PAN3: variants seen among roughly 807,000 people sequenced by gnomAD.
The protein encoded by PAN3 is PAN2-PAN3 deadenylation complex subunit PAN3.
A neutral mutation model predicts 96.2 loss-of-function variants in PAN3; 19 were observed. That is an observed-to-expected ratio of 0.20 (90% confidence interval 0.14 to 0.29). The LOEUF is 0.29. Ranked by LOEUF, PAN3 falls within the 10% of genes least tolerant of loss-of-function variation. The pLI, the probability that PAN3 is intolerant of heterozygous loss-of-function variation, is 1.00. For missense variants in PAN3, 882 were observed against 1,108.1 expected, an observed-to-expected ratio of 0.80 and a Z score of 2.90; for synonymous variants, 433 against 406.6, an observed-to-expected ratio of 1.06 and a Z score of -0.78.
intron 13 of PAN3, 23 bp from the exon 14 acceptor site, chr13:28,271,958 T>C: frequency 1.4e-6 from 2 of 1,452,436 alleles, no homozygotes; most frequent in Non-Finnish European, 1.9e-6. Context: ...AATTATTTTC[T>C]TTAAATTATC....
At position 28,143,377 on chromosome 13, in the gene PAN3, C is replaced by T. The variant is rs141001271; in HGVS notation, c.430+4290C>T. The stretch of plus-strand genomic sequence containing the variant: ...ATGTAATTCTAATATTTTCAACTGG[C>T]TAGATTTTCAAAATGGCTTTAATCT... On this transcript the variant is annotated intron_variant, in intron 1 of 18. Coordinates refer to ENST00000380958, the MANE Select transcript of PAN3 (RefSeq NM_175854.8). 5.6e-4 allele frequency among the ~76,000 whole-genome samples: 86 copies of T among 152,248 alleles called. 1 individual carries two copies. The highest frequency in any genetic ancestry group is 2.0e-3 in the African/African-American group (84 of 41,540).
chr13:28,269,163 G>A (rs1886411086), intron 12 of PAN3, among the ~76,000 whole-genome samples: 1 of 152,126 alleles, frequency 6.6e-6, no homozygotes, highest in Non-Finnish European at 1.5e-5. Context: ...AATGCCAGTA[G>A]CAATCCCCCT....
intron 1 of PAN3, among the ~76,000 whole-genome samples, chr13:28,158,900 C>A (rs961112670): frequency 1.3e-5 from 2 of 150,222 alleles, no homozygotes; most frequent in African/African-American, 4.9e-5. Flanking sequence ...AAAAGCTCAA[C>A]GTCACTAATC....
intron 6 of PAN3, among the ~76,000 whole-genome samples, chr13:28,255,771 A>G (rs907095434): frequency 5.9e-5 from 9 of 152,090 alleles, no homozygotes; most frequent in Admixed American, 5.9e-4. Context: ...TTTTCAAACA[A>G]TTTTGTTAAT....
At chr13:28,246,308 T>G (rs1884180829) in intron 6 of PAN3, among the ~76,000 whole-genome samples, 2 of 152,314 alleles carry the variant, frequency 1.3e-5, no homozygotes, top group Non-Finnish European at 2.9e-5. Flanking sequence ...GACCTGTTTT[T>G]TTTAAATTGA....
intron 6 of PAN3, among the ~76,000 whole-genome samples, chr13:28,247,500 A>G (rs993042292): frequency 6.6e-6 from 1 of 152,122 alleles, no homozygotes; most frequent in Non-Finnish European, 1.5e-5. Flanking sequence ...TACGCAAAAT[A>G]TCTTTGCCCA....
Position 28,177,895 on chromosome 13 carries a change from T to C in PAN3, c.650T>C (p.Phe217Ser), listed in dbSNP as rs746644096. Residue 217 changes from phenylalanine to serine, a missense_variant, in exon 4 of 19, where the codon TTT (phenylalanine) becomes TCT (serine). By Grantham distance (155) the Phe-to-Ser change is radical. Transcript: ENST00000380958. ...CTAACATCACCTGCTTCATCCTTGTTTAATGACTTTGGTGCCCTCAACATC... is the reference window on the plus strand; with the variant it reads ...CTAACATCACCTGCTTCATCCTTGTCTAATGACTTTGGTGCCCTCAACATC... ...DPLTSPASSL[F>S]NDFGALNISQ... 1.2e-6 allele frequency: 2 copies of C among 1,613,298 alleles called. No individual in the cohort carries two copies. The highest frequency in any genetic ancestry group is 4.5e-5 in the East Asian group (2 of 44,798).
At chr13:28,220,157 G>T (rs1403442596) in intron 5 of PAN3, 74 bp from the exon 6 acceptor site, 29 of 1,400,938 alleles carry the variant, frequency 2.1e-5, no homozygotes, top group Non-Finnish European at 2.6e-5. Context: ...AAGCACTGTG[G>T]AATATGCCTA....
intron 6 of PAN3, among the ~76,000 whole-genome samples, chr13:28,224,118 G>A (rs1186877700): frequency 4.6e-5 from 7 of 151,912 alleles, no homozygotes; most frequent in South Asian, 4.1e-4. Context: ...TGGTCTGCCC[G>A]CCTCGGCCTC....
chr13:28,235,696 TACACACACACACAC>T (rs34812975), intron 6 of PAN3, among the ~76,000 whole-genome samples: 2 of 140,628 alleles, frequency 1.4e-5, no homozygotes, highest in Admixed American at 7.1e-5. Flanking sequence ...CACACACACA[TACACACACACACAC>T]ACACACACAC....
At chr13:28,153,428 G>T (rs1296395380) in intron 1 of PAN3, among the ~76,000 whole-genome samples, 2 of 151,712 alleles carry the variant, frequency 1.3e-5, no homozygotes, top group African/African-American at 4.8e-5. Flanking sequence ...TAGTAGAGAT[G>T]GGATTTCACC....
rs774962706 is a variant in PAN3 at position 28,197,270 on chromosome 13, G to C, written c.776G>C (p.Cys259Ser). The C allele has an allele frequency of 3.7e-6, 6 of 1,612,928 alleles. No individual in the cohort carries two copies. The highest frequency in any genetic ancestry group is 4.2e-6 in the Non-Finnish European group (5 of 1,179,430). The change falls in exon 5 of 19, where the codon TGC (cysteine) becomes TCC (serine). Residue 259 changes from cysteine (C) to serine (S), a missense_variant. This residue lies in a region of PAN3 where 442 missense variants were observed against 422.8 expected (regional missense o/e 1.05). Coordinates refer to ENST00000380958, the MANE Select transcript of PAN3 (RefSeq NM_175854.8). Reference sequence around the variant, plus strand: ...CGAAAAGCAAAGAACCCTATTGGCTGCCTTGCTGACAGGTGTAAATCAGGA... The same window carrying C: ...CGAAAAGCAAAGAACCCTATTGGCTCCCTTGCTGACAGGTGTAAATCAGGA... The part of the protein sequence containing the change: ...KARKAKNPIG[C>S]LADRCKSGVP...
chr13:28,187,162 A>G (rs538901331), intron 4 of PAN3, among the ~76,000 whole-genome samples: 16 of 151,962 alleles, frequency 1.1e-4, no homozygotes, highest in African/African-American at 3.4e-4. Context: ...CACTGTCTCT[A>G]CAAAAAATAC....
rs751412291 is a variant in PAN3, at chr13:28,281,295, C to G, written c.2320-20C>G. 1.3e-6 allele frequency: 2 copies of G among 1,596,280 alleles called. No homozygotes were observed. The highest frequency in any genetic ancestry group is 2.2e-5 in the South Asian group (2 of 89,664). On this transcript the variant is annotated intron_variant, in intron 16 of 18. Coordinates refer to ENST00000380958, the MANE Select transcript of PAN3 (RefSeq NM_175854.8). ...TTATCTGGAACATTAACATTTTTCT[C>G]TTTTTAAAATGTTTTATAGGAGGTT...
intron 15 of PAN3, 95 bp from the exon 16 acceptor site, chr13:28,280,302 CAAAATTTTGTGTGCT>C: frequency 7.7e-7 from 1 of 1,294,460 alleles, no homozygotes; most frequent in African/African-American, 1.5e-5. Flanking sequence ...AAAATGTTTT[CAAAATTTTGTGTGCT>C]AAGATGACGG....
intron 1 of PAN3, among the ~76,000 whole-genome samples, chr13:28,169,507 A>G (rs1245966984): frequency 6.6e-6 from 1 of 151,706 alleles, no homozygotes; most frequent in Non-Finnish European, 1.5e-5. Context: ...TTGGGATTAC[A>G]GGCATGAGCC....
At chr13:28,173,491 TA>T (rs1874567405) in intron 1 of PAN3, among the ~76,000 whole-genome samples, 1 of 152,186 alleles carries the variant, frequency 6.6e-6, no homozygotes, top group Non-Finnish European at 1.5e-5. Flanking sequence ...TTTTAAAAAC[TA>T]AGAAGAAAAT....
At chr13:28,229,714 T>G (rs1882340707) in intron 6 of PAN3, among the ~76,000 whole-genome samples, 2 of 152,206 alleles carry the variant, frequency 1.3e-5, no homozygotes, top group Admixed American at 1.3e-4. Context: ...TTGTTTTTAT[T>G]GGCTTTTTTA....
chr13:28,263,946 A>C (rs1336408464), intron 9 of PAN3, among the ~76,000 whole-genome samples: 2 of 152,178 alleles, frequency 1.3e-5, no homozygotes, highest in Non-Finnish European at 2.9e-5. Flanking sequence ...TTTCAAACAA[A>C]CACCGCCCTA....
Sources: allele counts gnomAD v4.1 joint callset (sites outside exome capture counted in the v4.1 genomes callset), GRCh38; gene constraint gnomAD v4.1.1; regional missense constraint gnomAD v4.1.1; transcripts MANE v1.5; gene names NCBI Gene and HGNC (gene_info 2026-07-23, HGNC 2026-07-21).